MAPKAPK2: variants seen among roughly 807,000 people sequenced by gnomAD.
MAPKAPK2 encodes the protein MAP kinase-activated protein kinase 2.
MAPKAPK2 carries 9 observed loss-of-function variants against 48.8 expected under a neutral mutation model. The observed-to-expected ratio is 0.18, with a 90% CI of 0.11 to 0.32. The LOEUF (loss-of-function observed/expected upper bound fraction) is 0.32, where lower values mean the gene tolerates loss of function less well. Among genes scored for constraint, MAPKAPK2 ranks in the 10% least tolerant of loss-of-function variants. The probability of loss-of-function intolerance (pLI) is 1.00; values close to 1 mark genes in which losing one functional copy is unlikely to be tolerated. For missense variants in MAPKAPK2, 331 were observed against 498.3 expected (o/e 0.66, Z 3.20); for synonymous variants, 202 against 190.6 (o/e 1.06, Z -0.49).
At chr1:206,696,294 G>T (rs1174561179) in intron 1 of MAPKAPK2, 2 of 963,636 alleles carry the variant, frequency 2.1e-6, no homozygotes, top group South Asian at 1.3e-5. Context: ...TCCAGACTCC[G>T]CACAGGAACG....
At chr1:206,690,372 G>A (rs1672420780) in intron 1 of MAPKAPK2, among the ~76,000 whole-genome samples, 1 of 152,200 alleles carries the variant, frequency 6.6e-6, no homozygotes, top group Admixed American at 6.5e-5. Flanking sequence ...GTGAATTCTG[G>A]GCTTTGACTG....
chr1:206,695,546 C>T (rs549440152), intron 1 of MAPKAPK2, among the ~76,000 whole-genome samples: 1 of 151,598 alleles, frequency 6.6e-6, no homozygotes, highest in Non-Finnish European at 1.5e-5. Context: ...GCTTTCCACC[C>T]CCACACCTTA....
intron 1 of MAPKAPK2, among the ~76,000 whole-genome samples, chr1:206,690,168 TC>T (rs375043467): frequency 5.3e-5 from 8 of 152,142 alleles, no homozygotes; most frequent in African/African-American, 1.9e-4. Context: ...CATGAAGGTG[TC>T]AAAAAAGGTT....
chr1:206,698,304 C>T (rs1042636370), intron 1 of MAPKAPK2, among the ~76,000 whole-genome samples: 1 of 152,174 alleles, frequency 6.6e-6, no homozygotes, highest in Non-Finnish European at 1.5e-5. Flanking sequence ...CCTTTAATAC[C>T]TCTGCTATAT....
chr1:206,715,588 C>T (rs1673299432), intron 1 of MAPKAPK2, among the ~76,000 whole-genome samples: 2 of 151,320 alleles, frequency 1.3e-5, no homozygotes, highest in Non-Finnish European at 2.9e-5. Context: ...TCCTTGGTCT[C>T]AACATCTAAA....
At chr1:206,690,393 C>T (rs1672421838) in intron 1 of MAPKAPK2, among the ~76,000 whole-genome samples, 2 of 152,200 alleles carry the variant, frequency 1.3e-5, no homozygotes, top group Admixed American at 1.3e-4. Flanking sequence ...AGCTTGGAGA[C>T]AATCTCCAGC....
In MAPKAPK2 at chr1:206,704,542, G is replaced by A. The variant is rs1259976096; in HGVS notation, c.279+19034G>A. Among the ~76,000 whole-genome samples, 2 of 152,140 alleles carry A rather than the reference G, an allele frequency of 1.3e-5. No homozygotes were observed. The highest frequency in any genetic ancestry group is 2.9e-5 in the Non-Finnish European group (2 of 68,028). ...AAAACAGTGCCTGAGGTCCAGGGTC[G>A]GGGAGGACTTGATGAGGGAATAAAA... is the stretch of plus-strand genomic sequence containing the variant. On this transcript the variant is annotated intron_variant, in intron 1 of 9. Transcript: ENST00000367103. This position sits in a 1 kb window ranked among gnomAD's most constrained non-coding sequence, Gnocchi z 4.3.
chr1:206,702,329 C>T (rs1672822488), intron 1 of MAPKAPK2, among the ~76,000 whole-genome samples: 1 of 152,206 alleles, frequency 6.6e-6, no homozygotes, highest in South Asian at 2.1e-4. Flanking sequence ...GTGGTGTGGT[C>T]CCTGCCACTC....
chr1:206,727,676 A>G (rs1409756857), intron 1 of MAPKAPK2, among the ~76,000 whole-genome samples: 1 of 151,964 alleles, frequency 6.6e-6, no homozygotes, highest in African/African-American at 2.4e-5. Context: ...GCTGGAGTGC[A>G]GTGGCGTGAT....
chr1:206,686,693 G>A (rs782630115), intron 1 of MAPKAPK2, among the ~76,000 whole-genome samples: 4 of 152,218 alleles, frequency 2.6e-5, no homozygotes, highest in Non-Finnish European at 4.4e-5. Context: ...TCAGAAATGT[G>A]GTATGGGTGG....
At chr1:206,712,962 TCACACACACACACA>T (rs58379967) in intron 1 of MAPKAPK2, among the ~76,000 whole-genome samples, 5 of 112,302 alleles carry the variant, frequency 4.5e-5, no homozygotes, top group South Asian at 3.3e-4. Context: ...TGAGACTCCA[TCACACACACACACA>T]CACACACACA....
intron 1 of MAPKAPK2, among the ~76,000 whole-genome samples, chr1:206,695,223 G>A (rs1672577070): frequency 6.6e-6 from 1 of 152,194 alleles, no homozygotes; most frequent in African/African-American, 2.4e-5. Context: ...AAGGAATAGA[G>A]AGTAGTAGGG....
At chr1:206,729,931 G>A (rs1553432383) in intron 4 of MAPKAPK2, 41 bp from the exon 5 acceptor site, 1 of 1,613,494 alleles carries the variant, frequency 6.2e-7, no homozygotes, top group African/African-American at 1.3e-5. Context: ...GCCCCTCCCA[G>A]GTCCAGCAGG....
chr1:206,729,309 A>C, intron 3 of MAPKAPK2, 87 bp from the exon 4 acceptor site: 1 of 1,206,396 alleles, frequency 8.3e-7, no homozygotes, highest in Non-Finnish European at 1.2e-6. Context: ...GGCTGCACAG[A>C]GGTGGGACCC....
chr1:206,714,958 A>G (rs1673281146), intron 1 of MAPKAPK2, among the ~76,000 whole-genome samples: 1 of 152,238 alleles, frequency 6.6e-6, no homozygotes, highest in Middle Eastern at 3.4e-3. Context: ...GTGTGCTGCC[A>G]GAAAGCAGAT....
At chr1:206,720,180 G>A (rs782372070) in intron 1 of MAPKAPK2, among the ~76,000 whole-genome samples, 4 of 152,186 alleles carry the variant, frequency 2.6e-5, no homozygotes, top group Non-Finnish European at 5.9e-5. Flanking sequence ...AGACGTGGAT[G>A]GCTGCCCTCT....
chr1:206,728,784 A>T lies in MAPKAPK2; in HGVS notation c.354A>T (p.Val118=). 6.2e-7 allele frequency: 1 copy of T among 1,614,118 alleles called. No homozygotes were observed. Among genetic ancestry groups the T allele is most frequent in the Non-Finnish European group, 8.5e-7 (1 of 1,180,010 alleles). The part of the protein sequence containing the change: ...HWRASQCPHI[V]RIVDVYENLY... ...GGGCCTCCCAGTGCCCGCACATCGT[A>T]CGGATCGTGGATGTGTACGAGAATC... Residue 118 remains valine (V), a synonymous_variant, in exon 2 of 10, where the codon GTA becomes GTT. Transcript: ENST00000367103.
intron 1 of MAPKAPK2, among the ~76,000 whole-genome samples, chr1:206,697,666 C>T (rs1021050307): frequency 6.6e-6 from 1 of 152,202 alleles, no homozygotes; most frequent in Non-Finnish European, 1.5e-5. Flanking sequence ...CATCTCCCAC[C>T]GGGCCCCACC....
In MAPKAPK2 at chr1:206,732,525, C is replaced by A; in HGVS notation, c.1060-50C>A. 6.2e-7 allele frequency: 1 copy of A among 1,603,618 alleles called. No individual in the cohort carries two copies. The highest frequency in any genetic ancestry group is 8.5e-7 in the Non-Finnish European group (1 of 1,173,202). The stretch of plus-strand genomic sequence containing the variant: ...CGTCTCTCTTCTGCTGTCTCTCCTA[C>A]CTGTCTTCTGGCTCTCTCTGTACCC... On this transcript the variant is annotated intron_variant, in intron 9 of 9. Coordinates refer to ENST00000367103, the MANE Select transcript of MAPKAPK2 (RefSeq NM_032960.4). The surrounding 1 kb of genome is among the most constrained non-coding windows in gnomAD (Gnocchi z 4.4).
Sources: allele counts gnomAD v4.1 joint callset (sites outside exome capture counted in the v4.1 genomes callset), GRCh38; gene constraint gnomAD v4.1.1; non-coding constraint Gnocchi (gnomAD v3.1); transcripts MANE v1.5; gene names NCBI Gene and HGNC (gene_info 2026-07-23, HGNC 2026-07-21).